GNAI3: variants seen among roughly 807,000 people sequenced by gnomAD.
GNAI3 encodes the protein guanine nucleotide-binding protein G(i) subunit alpha-3.
In GNAI3, 12 loss-of-function variants were observed where a neutral mutation model predicts 41.8. That is an observed-to-expected ratio of 0.29 (90% confidence interval 0.18 to 0.47). The LOEUF is 0.47. Ranked by LOEUF, GNAI3 falls within the 20% of genes least tolerant of loss-of-function variation. The probability of loss-of-function intolerance (pLI) is 1.00; values close to 1 mark genes in which losing one functional copy is unlikely to be tolerated. For synonymous variants in GNAI3, 132 were observed against 146.5 expected (o/e 0.90, Z 0.71); for missense variants, 360 against 429.6 (o/e 0.84, Z 1.43).
At chr1:109,578,795 T>C (rs973425777) in intron 3 of GNAI3, among the ~76,000 whole-genome samples, 4 of 152,250 alleles carry the variant, frequency 2.6e-5, no homozygotes, top group African/African-American at 9.6e-5. Flanking sequence ...TTACCTCTTA[T>C]GTGCTAGTCT....
chr1:109,591,033 G>A (rs1457966579), intron 7 of GNAI3, among the ~76,000 whole-genome samples: 7 of 152,094 alleles, frequency 4.6e-5, no homozygotes, highest in Admixed American at 1.3e-4. Context: ...TACTCTAAAG[G>A]TTCTATAAGT....
chr1:109,553,227 CT>C (rs899651989), intron 1 of GNAI3, among the ~76,000 whole-genome samples: 4 of 150,572 alleles, frequency 2.7e-5, no homozygotes, highest in African/African-American at 2.4e-5. Flanking sequence ...AATGTTAGTC[CT>C]TTTTTTTTAC....
Position 109,548,641 on chromosome 1 carries a change from A to G in GNAI3, c.-80A>G. 1 of 943,316 alleles carries G rather than the reference A, an allele frequency of 1.1e-6. No individual in the cohort carries two copies. Among genetic ancestry groups the G allele is most frequent in the Non-Finnish European group, 1.7e-6 (1 of 588,640 alleles). 58.4% of individuals were successfully genotyped at this position (943,316 alleles called of 1,614,324 possible). On this transcript the variant is annotated 5_prime_UTR_variant, in exon 1 of 9. The change creates a new upstream start codon in the 5' untranslated region. Coordinates refer to ENST00000369851, the MANE Select transcript of GNAI3 (RefSeq NM_006496.4). ...ACGGAGAGGGCCACCGCCCAGCAAT[A>G]GACGGTGCCTCAGCCTGCCGAGCCG... is the stretch of plus-strand genomic sequence containing the variant.
intron 1 of GNAI3, among the ~76,000 whole-genome samples, chr1:109,549,682 T>C (rs1177741698): frequency 6.6e-6 from 1 of 152,220 alleles, no homozygotes; most frequent in African/African-American, 2.4e-5. Context: ...ATAGTTACCT[T>C]AGGATAAGTT....
At chr1:109,578,138 C>T (rs1648797040) in intron 3 of GNAI3, among the ~76,000 whole-genome samples, 1 of 152,048 alleles carries the variant, frequency 6.6e-6, no homozygotes, top group Non-Finnish European at 1.5e-5. Context: ...TGTCCTCTCC[C>T]TCACATATTT....
At chr1:109,588,886 C>CATCAATCAATCA (rs145424289) in intron 7 of GNAI3, among the ~76,000 whole-genome samples, 7 of 151,438 alleles carry the variant, frequency 4.6e-5, no homozygotes, top group Non-Finnish European at 4.4e-5. Flanking sequence ...AGTGAGACTC[C>CATCAATCAATCA]ATCAATCAAT....
chr1:109,576,841 A>T (rs905058671), intron 3 of GNAI3, among the ~76,000 whole-genome samples: 1 of 151,930 alleles, frequency 6.6e-6, no homozygotes, highest in Non-Finnish European at 1.5e-5. Flanking sequence ...CTCTTTATAG[A>T]CCTTTAGAGA....
intron 1 of GNAI3, among the ~76,000 whole-genome samples, chr1:109,568,846 G>A (rs1648522336): frequency 7.1e-6 from 1 of 140,810 alleles, no homozygotes; most frequent in Non-Finnish European, 1.5e-5. Flanking sequence ...AATTTTTTGT[G>A]TTATTCTTGT....
At chr1:109,556,173 T>C (rs1013764835) in intron 1 of GNAI3, among the ~76,000 whole-genome samples, 12 of 152,064 alleles carry the variant, frequency 7.9e-5, no homozygotes, top group African/African-American at 2.7e-4. Flanking sequence ...CATCTCGGCC[T>C]CCTGAGTAGC....
At chr1:109,566,763 A>G (rs1648465727) in intron 1 of GNAI3, among the ~76,000 whole-genome samples, 1 of 152,034 alleles carries the variant, frequency 6.6e-6, no homozygotes, top group South Asian at 2.1e-4. Flanking sequence ...AGGTTTCACT[A>G]TGTTGGCCAG....
intron 1 of GNAI3, among the ~76,000 whole-genome samples, chr1:109,562,387 A>AG (rs372144249): frequency 7.2e-5 from 11 of 151,884 alleles, no homozygotes; most frequent in Non-Finnish European, 8.8e-5. Flanking sequence ...TTGGTATCCT[A>AG]GGGGGGGTCC....
At chr1:109,565,039 G>T (rs1435553931) in intron 1 of GNAI3, among the ~76,000 whole-genome samples, 2 of 151,998 alleles carry the variant, frequency 1.3e-5, no homozygotes, top group African/African-American at 4.8e-5. Context: ...GAGGCTGGTG[G>T]ATCATGAGGT....
chr1:109,574,186 G>T, intron 3 of GNAI3, 149 bp downstream of exon 3: 1 of 585,104 alleles, frequency 1.7e-6, no homozygotes. Context: ...AGAAATGTTA[G>T]CAATCTACTT....
In GNAI3 at chr1:109,592,034, C is replaced by T; in HGVS notation, c.875-9C>T. Reference sequence around the variant, plus strand: ...AATTTGAACTGAGAGTACTGGGTGTCCGTTTTAGGTTCCAATACATATGAA... The same window carrying T: ...AATTTGAACTGAGAGTACTGGGTGTTCGTTTTAGGTTCCAATACATATGAA... On this transcript the variant is annotated splice_polypyrimidine_tract_variant and intron_variant, in intron 7 of 8. Transcript: ENST00000369851. The T allele has an allele frequency of 6.3e-7, 1 of 1,581,790 alleles. No homozygotes were observed. Among genetic ancestry groups the T allele is most frequent in the Non-Finnish European group, 8.7e-7 (1 of 1,154,570 alleles).
chr1:109,571,754 C>T (rs1323986301), intron 1 of GNAI3, among the ~76,000 whole-genome samples: 1 of 152,082 alleles, frequency 6.6e-6, no homozygotes, highest in Non-Finnish European at 1.5e-5. Flanking sequence ...CCCGTCTCTA[C>T]TAAAAATACA....
rs1425602147 is a variant in GNAI3 at position 109,600,099 on chromosome 1, T to C, written c.*7777T>C. The C allele has an allele frequency of 6.7e-6, 1 of 149,728 alleles. No individual in the cohort carries two copies. Among genetic ancestry groups the C allele is most frequent in the East Asian group, 1.9e-4 (1 of 5,142 alleles). 9.3% of individuals were successfully genotyped at this position (149,728 alleles called of 1,614,324 possible). A position where few individuals can be genotyped will look rare whatever the true frequency, so the allele number is the denominator to read the frequency against. On this transcript the variant is annotated 3_prime_UTR_variant, in exon 9 of 9. Transcript: ENST00000369851. Reference sequence around the variant, plus strand: ...AGAATTAAGGTTGCATGCCAGAAAATAGGGTTAAATATTTGTTTCTGATCT... The same window carrying C: ...AGAATTAAGGTTGCATGCCAGAAAACAGGGTTAAATATTTGTTTCTGATCT...
chr1:109,589,075 A>G (rs1317638947), intron 7 of GNAI3, among the ~76,000 whole-genome samples: 1 of 152,168 alleles, frequency 6.6e-6, no homozygotes, highest in East Asian at 1.9e-4. Flanking sequence ...GGACAGTTAT[A>G]TTCGAGGTTG....
chr1:109,586,398 A>G, intron 6 of GNAI3, 53 bp downstream of exon 6: 1 of 1,524,110 alleles, frequency 6.6e-7, no homozygotes, highest in South Asian at 1.2e-5. Flanking sequence ...GGAAATGGAA[A>G]ATAACTTATT....
intron 3 of GNAI3, among the ~76,000 whole-genome samples, chr1:109,576,114 G>T (rs2101102541): frequency 6.6e-6 from 1 of 152,172 alleles, no homozygotes; most frequent in South Asian, 2.1e-4. Flanking sequence ...TGTCACCCAG[G>T]CTGGAGTGTA....
Sources: allele counts gnomAD v4.1 joint callset (sites outside exome capture counted in the v4.1 genomes callset), GRCh38; gene constraint gnomAD v4.1.1; transcripts MANE v1.5; gene names NCBI Gene and HGNC (gene_info 2026-07-23, HGNC 2026-07-21).